The following HOXA3 variants were observed in gnomAD, a reference collection of about 807,000 sequenced individuals.
HOXA3 encodes the protein homeobox protein Hox-A3.
In HOXA3, 8 loss-of-function variants were observed where a neutral mutation model predicts 30.3. The ratio of observed to expected loss-of-function variants is 0.26; its 90% CI spans 0.15 to 0.48. The LOEUF (loss-of-function observed/expected upper bound fraction) is 0.48. HOXA3 is among the 20% of genes least tolerant of loss of function. HOXA3 has a pLI of 0.99. For missense variants in HOXA3, 653 were observed against 614.4 expected, an observed-to-expected ratio of 1.06 and a Z score of -0.66; for synonymous variants, 323 against 273.1, an observed-to-expected ratio of 1.18 and a Z score of -1.80.
chr7:27,121,368 A>G (rs891433823), intron 4 of HOXA3, among the ~76,000 whole-genome samples: 3 of 152,210 alleles, frequency 2.0e-5, no homozygotes, highest in African/African-American at 7.2e-5. Flanking sequence ...TGTGTTATAC[A>G]CAAGGCCCCA....
chr7:27,127,337 GT>G, intron 2 of HOXA3, among the ~76,000 whole-genome samples: 1 of 152,120 alleles, frequency 6.6e-6, no homozygotes, highest in East Asian at 1.9e-4. Flanking sequence ...TCAGAGACTG[GT>G]ATCTATCACT....
intron 1 of HOXA3, chr7:27,142,584 C>T (rs535621651): frequency 5.9e-5 from 11 of 185,734 alleles, no homozygotes; most frequent in Non-Finnish European, 8.8e-5. Flanking sequence ...AATTCAGAAT[C>T]CTGCAGGCTC....
At chr7:27,124,042 C>G (rs1785165740) in intron 3 of HOXA3, 1 of 152,262 alleles carries the variant, frequency 6.6e-6, no homozygotes, top group South Asian at 2.1e-4. Flanking sequence ...CCCACCACTC[C>G]CCTGCGTGAC....
chr7:27,120,369 C>T (rs1349181384), intron 4 of HOXA3, among the ~76,000 whole-genome samples: 5 of 151,688 alleles, frequency 3.3e-5, no homozygotes, highest in East Asian at 1.9e-4. Flanking sequence ...GGTGCAACCC[C>T]GTCTGTACTA....
intron 2 of HOXA3, chr7:27,130,380 CT>C: frequency 8.7e-7 from 1 of 1,149,154 alleles, no homozygotes; most frequent in Non-Finnish European, 1.1e-6. Context: ...GCGCCGGGGG[CT>C]GCTCGGGCTG....
At chr7:27,120,249 A>C (rs1784938243) in intron 4 of HOXA3, among the ~76,000 whole-genome samples, 1 of 152,062 alleles carries the variant, frequency 6.6e-6, no homozygotes, top group Non-Finnish European at 1.5e-5. Context: ...AAAACTCTTA[A>C]AGCCATAAAT....
chr7:27,143,704 G>A, intron 1 of HOXA3: 1 of 1,479,168 alleles, frequency 6.8e-7, no homozygotes, highest in Non-Finnish European at 9.0e-7. Context: ...AAATGACTGG[G>A]ACATGTACTT....
At chr7:27,135,722 C>T (rs1785691046) in intron 2 of HOXA3, among the ~76,000 whole-genome samples, 1 of 152,114 alleles carries the variant, frequency 6.6e-6, no homozygotes, top group Non-Finnish European at 1.5e-5. Flanking sequence ...CATTCTGTTG[C>T]CTTTGAAGGC....
intron 4 of HOXA3, among the ~76,000 whole-genome samples, chr7:27,114,335 T>G (rs1784555223): frequency 6.6e-6 from 1 of 152,120 alleles, no homozygotes; most frequent in African/African-American, 2.4e-5. Flanking sequence ...CGTATTCCTC[T>G]GCCCTGGACA....
chr7:27,128,022 C>A (rs1785356773), intron 2 of HOXA3, among the ~76,000 whole-genome samples: 1 of 152,186 alleles, frequency 6.6e-6, no homozygotes, highest in Non-Finnish European at 1.5e-5. Flanking sequence ...CTAATCTCAA[C>A]CCTTTGCACA....
At chr7:27,111,172 T>C (rs1784354448) in intron 4 of HOXA3, among the ~76,000 whole-genome samples, 1 of 152,176 alleles carries the variant, frequency 6.6e-6, no homozygotes, top group African/African-American at 2.4e-5. Flanking sequence ...ACTCTGGGAA[T>C]GTTGGGAAGG....
chr7:27,135,339 T>C (rs1479274031), intron 2 of HOXA3, among the ~76,000 whole-genome samples: 1 of 152,166 alleles, frequency 6.6e-6, no homozygotes, highest in Non-Finnish European at 1.5e-5. Flanking sequence ...GCTTGTAGCA[T>C]TTCTCTTACA....
intron 4 of HOXA3, among the ~76,000 whole-genome samples, chr7:27,118,016 G>A (rs1401222561): frequency 6.6e-6 from 1 of 152,122 alleles, no homozygotes; most frequent in African/African-American, 2.4e-5. Flanking sequence ...CTTTCAAATG[G>A]TTTCGGTTCT....
chr7:27,148,699 G>C (rs1400695839), intron 1 of HOXA3, among the ~76,000 whole-genome samples: 1 of 152,268 alleles, frequency 6.6e-6, no homozygotes, highest in East Asian at 1.9e-4. Flanking sequence ...CAGTGGCCGT[G>C]AGACTGGGCT....
At chr7:27,133,628 C>T (rs747565144) in intron 2 of HOXA3, among the ~76,000 whole-genome samples, 6 of 152,156 alleles carry the variant, frequency 3.9e-5, no homozygotes, top group Non-Finnish European at 7.3e-5. Context: ...ATCATGTCCT[C>T]GAATCCCAGA....
In HOXA3 at chr7:27,110,224, G is replaced by T. The variant is rs774936035; in HGVS notation, c.417C>A (p.Asn139Lys). 5.6e-6 allele frequency: 9 copies of T among 1,613,998 alleles called. No homozygotes were observed. Among genetic ancestry groups the T allele is most frequent in the Non-Finnish European group, 7.6e-6 (9 of 1,180,006 alleles). Residue 139 changes from asparagine to lysine, a missense_variant, in exon 5 of 6, where the codon AAC becomes AAA. By Grantham distance (94) the Asn-to-Lys change is moderately conservative. Transcript: ENST00000612286. ...AGTTGAGCAGGGGGCTCTTGGCCGC[G>T]TTGGCAGGGGTAGGGTTGTTGCTGG... ...QNASNNPTPANAAKSPLLNSP... is the reference protein window; with the variant it reads ...QNASNNPTPAKAAKSPLLNSP...
intron 1 of HOXA3, chr7:27,143,277 C>T (rs763754207): frequency 1.2e-6 from 2 of 1,605,538 alleles, no homozygotes; most frequent in Non-Finnish European, 8.5e-7. Context: ...CTGTCGCTGC[C>T]GGGCGAGGGG....
chr7:27,143,099 G>A (rs150111660), intron 1 of HOXA3: 4 of 1,563,482 alleles, frequency 2.6e-6, no homozygotes, highest in African/African-American at 1.4e-5. Flanking sequence ...TTGGGCGGGC[G>A]GCGCCGGGCT....
chr7:27,118,460 A>C (rs190040390), intron 4 of HOXA3, among the ~76,000 whole-genome samples: 1 of 152,324 alleles, frequency 6.6e-6, no homozygotes, highest in African/African-American at 2.4e-5. Context: ...CACTGAAGGA[A>C]CTAGGTTTCC....
Sources: gnomAD v4.1 joint callset for allele counts (sites outside exome capture counted in the v4.1 genomes callset) on GRCh38, gnomAD v4.1.1 for gene constraint, MANE v1.5 for transcripts, NCBI Gene and HGNC (gene_info 2026-07-23, HGNC 2026-07-21) for gene names.